The following ACSL4 variants were observed in gnomAD, a reference collection of about 807,000 sequenced individuals.
ACSL4 encodes the protein acyl-CoA synthetase long chain family member 4, also known as long-chain-fatty-acid--CoA ligase 4.
In ACSL4, 9 loss-of-function variants were observed where a neutral mutation model predicts 49.1. That is an observed-to-expected ratio of 0.18 (90% CI 0.11 to 0.32). The LOEUF (loss-of-function observed/expected upper bound fraction) is 0.32. Ranked by LOEUF, ACSL4 falls within the 10% of genes least tolerant of loss-of-function variation. The probability of loss-of-function intolerance (pLI) is 1.00; values close to 1 mark genes in which losing one functional copy is unlikely to be tolerated. For synonymous variants in ACSL4, 191 were observed against 170.3 expected (o/e 1.12, Z -0.95); for missense variants, 333 against 493.7 (o/e 0.67, Z 3.08).
chrX:109,658,984 C>T (rs1921939951), intron 15 of ACSL4, among the ~76,000 whole-genome samples: 1 of 112,010 alleles, frequency 8.9e-6, no homozygotes, highest in South Asian at 3.7e-4. Flanking sequence ...TTTACAGAGC[C>T]ACAGTATACA....
chrX:109,679,742 A>C (rs1924023731), intron 6 of ACSL4, among the ~76,000 whole-genome samples: 1 of 112,419 alleles, frequency 8.9e-6, no homozygotes, highest in African/African-American at 3.2e-5. Flanking sequence ...AGACATGAGT[A>C]GAACTAAGTG....
At chrX:109,690,575 G>A (rs899560309) in intron 2 of ACSL4, among the ~76,000 whole-genome samples, 1 of 111,423 alleles carries the variant, frequency 9.0e-6, no homozygotes, top group East Asian at 2.8e-4. Context: ...GCCCAAGATA[G>A]CACAGCTGAG....
At position 109,644,996 on chromosome X, in the gene ACSL4, G is replaced by T. The variant is rs932243947; in HGVS notation, c.1856-810C>A. On this transcript the variant is annotated intron_variant, in intron 15 of 15. Transcript: ENST00000672401. ...AAAAACGGTGCACCAGGAGATTATA[G>T]CCCGCACCTGGCTCGGAGGGTCCTA... Among the ~76,000 whole-genome samples, 3 of 112,954 alleles carry T rather than the reference G, an allele frequency of 2.7e-5. No individual in the cohort carries two copies. The Admixed American group carries it at 2.8e-4, about 10-fold the overall frequency.
chrX:109,665,122 A>C (rs1569421730), intron 12 of ACSL4, among the ~76,000 whole-genome samples: 1 of 111,484 alleles, frequency 9.0e-6, no homozygotes, highest in South Asian at 3.8e-4. Context: ...CTCACTAGTA[A>C]AGTCAAGTTT....
At chrX:109,651,016 A>G (rs960165432) in intron 15 of ACSL4, among the ~76,000 whole-genome samples, 10 of 112,490 alleles carry the variant, frequency 8.9e-5, no homozygotes, top group Admixed American at 5.7e-4. Flanking sequence ...AACTGATGCA[A>G]TGAATATTGT....
chrX:109,659,547 T>C (rs751122011), intron 14 of ACSL4, 36 bp from the exon 15 acceptor site: 14 of 1,002,670 alleles, frequency 1.4e-5, no homozygotes, highest in African/African-American at 1.9e-5. Context: ...AATGAAAACA[T>C]TGAGAAAAGT....
chrX:109,690,098 T>C (rs1475709220), intron 2 of ACSL4, among the ~76,000 whole-genome samples: 1 of 112,631 alleles, frequency 8.9e-6, no homozygotes, highest in Admixed American at 9.4e-5. Flanking sequence ...AACTTGAACA[T>C]GTTGTTAGTT....
intron 8 of ACSL4, 138 bp from the exon 9 acceptor site, chrX:109,674,611 C>A: frequency 2.1e-6 from 1 of 486,307 alleles, no homozygotes. Flanking sequence ...TAACAACTAT[C>A]ATAACCTACA....
chrX:109,682,563 A>G (rs1295775766), intron 4 of ACSL4, among the ~76,000 whole-genome samples, 156 bp downstream of exon 4: 1 of 111,334 alleles, frequency 9.0e-6, no homozygotes, highest in East Asian at 2.8e-4. Flanking sequence ...GTCATCGGAT[A>G]TCTTTTAGCC....
chrX:109,731,462 T>C (rs763335636), intron 1 of ACSL4, among the ~76,000 whole-genome samples: 3 of 109,534 alleles, frequency 2.7e-5, no homozygotes, highest in Non-Finnish European at 5.7e-5. Context: ...TCCAATTCAT[T>C]TCTCTTGTCT....
At chrX:109,647,011 A>G (rs1934746346) in intron 15 of ACSL4, among the ~76,000 whole-genome samples, 1 of 111,918 alleles carries the variant, frequency 8.9e-6, no homozygotes, top group Non-Finnish European at 1.9e-5. Flanking sequence ...AGGAGCACCT[A>G]GATTCACAAA....
Position 109,671,321 on chromosome X carries a change from C to T in ACSL4, c.1003-2148G>A, listed in dbSNP as rs370079712. ...GAGTGTCTCTGCCCCGCCGCCGCCCCGTCTGGGAGATGAGGAGCGTCTCTG... is the reference window on the plus strand; with the variant it reads ...GAGTGTCTCTGCCCCGCCGCCGCCCTGTCTGGGAGATGAGGAGCGTCTCTG... On this transcript the variant is annotated intron_variant, in intron 9 of 15. Transcript: ENST00000672401. Among the ~76,000 whole-genome samples, 875 of 111,472 alleles carry T rather than the reference C, an allele frequency of 7.8e-3. 9 individuals carry two copies. Among genetic ancestry groups the T allele is most frequent in the African/African-American group, 0.027 (839 of 30,671 alleles).
rs754643738 is a variant in ACSL4 at position 109,692,620 on chromosome X, C to T, written c.-13+3524G>A. Among the ~76,000 whole-genome samples, 15 of 111,925 alleles carry T rather than the reference C, an allele frequency of 1.3e-4. 3 individuals carry two copies. In the South Asian group the frequency reaches 1.5e-3, roughly 11 times the overall value. On this transcript the variant is annotated intron_variant, in intron 2 of 15. Transcript: ENST00000672401. The stretch of plus-strand genomic sequence containing the variant: ...AGAAGGGCAGCAGACAGCACAATGA[C>T]AATGTCAATGTTGTACAACTGATGC...
chrX:109,711,964 A>G (rs1052574460), intron 1 of ACSL4, among the ~76,000 whole-genome samples: 3 of 112,253 alleles, frequency 2.7e-5, no homozygotes, highest in Non-Finnish European at 5.6e-5. Flanking sequence ...AAGAAGTCAT[A>G]TTATGTAGAA....
At chrX:109,688,189 GAT>G (rs1398018473) in intron 2 of ACSL4, among the ~76,000 whole-genome samples, 1 of 111,874 alleles carries the variant, frequency 8.9e-6, no homozygotes, top group Admixed American at 9.5e-5. Context: ...ACAATCCAAA[GAT>G]AATTTCCACA....
intron 1 of ACSL4, among the ~76,000 whole-genome samples, chrX:109,700,480 T>C (rs1445693777): frequency 9.5e-6 from 1 of 105,399 alleles, no homozygotes; most frequent in African/African-American, 3.5e-5. Flanking sequence ...GAGGCTGCAG[T>C]GAGCCACGAT....
intron 15 of ACSL4, among the ~76,000 whole-genome samples, chrX:109,644,549 T>A (rs1055240279): frequency 4.5e-5 from 5 of 112,019 alleles, no homozygotes; most frequent in Non-Finnish European, 9.4e-5. Context: ...GACTTTATAT[T>A]TGCCTGAGAT....
intron 11 of ACSL4, among the ~76,000 whole-genome samples, chrX:109,666,273 T>C (rs1396158827): frequency 1.8e-5 from 2 of 111,818 alleles, no homozygotes; most frequent in African/African-American, 6.5e-5. Context: ...AAAGACATTA[T>C]TGAAAAGTGG....
chrX:109,677,848 T>A, intron 8 of ACSL4, 140 bp downstream of exon 8: 1 of 773,307 alleles, frequency 1.3e-6, no homozygotes, highest in Non-Finnish European at 2.0e-6. Flanking sequence ...CTCCTATAGC[T>A]ACATATTGTT....
Sources: gnomAD v4.1 joint callset for allele counts (sites outside exome capture counted in the v4.1 genomes callset) on GRCh38, gnomAD v4.1.1 for gene constraint, MANE v1.5 for transcripts, NCBI Gene and HGNC (gene_info 2026-07-23, HGNC 2026-07-21) for gene names.